CRACD: variants seen among roughly 807,000 people sequenced by gnomAD.
CRACD encodes capping protein-inhibiting regulator of actin dynamics.
Under a neutral mutation model 106.8 loss-of-function variants are expected in CRACD, and 56 were observed. The observed-to-expected ratio is 0.52, with a 90% CI of 0.42 to 0.66. The LOEUF (loss-of-function observed/expected upper bound fraction) is 0.66. Among genes scored for constraint, CRACD ranks in the 30% least tolerant of loss-of-function variants. CRACD has a pLI of 0.00. For missense variants in CRACD, 1,730 were observed against 1,623.2 expected, an observed-to-expected ratio of 1.07 and a Z score of -1.13; for synonymous variants, 754 against 670.8, an observed-to-expected ratio of 1.12 and a Z score of -1.92.
rs12648988 is a variant in CRACD, at chr4:56,191,828, A to G, written c.-189+12398A>G. Among the ~76,000 whole-genome samples the G allele has an allele frequency of 0.038, 5,794 of 152,252 alleles. 905 individuals carry two copies. The East Asian group carries it at 0.51, about 13-fold the overall frequency. On this transcript the variant is annotated intron_variant, in intron 2 of 10. Transcript: ENST00000682029. ...ATACACAGCCATGGATAAACTGTGA[A>G]CTCTTTTTATAGTAACCTTGGCAGT...
At chr4:56,309,433 G>A (rs555333398) in intron 5 of CRACD, among the ~76,000 whole-genome samples, 4 of 152,280 alleles carry the variant, frequency 2.6e-5, no homozygotes, top group African/African-American at 9.6e-5. Context: ...TGGTGTCGCA[G>A]GGGCCAGGCA....
chr4:56,178,667 T>C (rs1040932985), intron 1 of CRACD, among the ~76,000 whole-genome samples: 2 of 152,170 alleles, frequency 1.3e-5, no homozygotes, highest in African/African-American at 4.8e-5. Context: ...TCATCTTGTA[T>C]TGTTGCCCCA....
intron 2 of CRACD, among the ~76,000 whole-genome samples, chr4:56,263,049 GA>G (rs1741800896): frequency 6.6e-6 from 1 of 152,120 alleles, no homozygotes; most frequent in African/African-American, 2.4e-5. Flanking sequence ...CAGTCCCTGG[GA>G]GACCCAGGGA....
intron 1 of CRACD, among the ~76,000 whole-genome samples, chr4:56,065,303 G>A (rs2109790215): frequency 6.6e-6 from 1 of 152,154 alleles, no homozygotes; most frequent in South Asian, 2.1e-4. Flanking sequence ...GGTCAGGCTG[G>A]TCTCAAAATC....
At position 56,323,522 on chromosome 4, in the gene CRACD, G is replaced by A; in HGVS notation, c.3333G>A (p.Lys1111=). 1 of 1,603,446 alleles carries A rather than the reference G, an allele frequency of 6.2e-7. No homozygotes were observed. The highest frequency in any genetic ancestry group is 1.1e-5 in the South Asian group (1 of 89,122). Residue 1111 remains lysine, a synonymous_variant, in exon 9 of 11, where the codon AAG becomes AAA. Coordinates refer to ENST00000682029, the MANE Select transcript of CRACD (RefSeq NM_001393381.1). ...AGCAGGCGACGCGGGAGGAGAGAAA[G>A]CAAGCCAGAGAGGCCAAACAGGCAG... The part of the protein sequence containing the change: ...REQQATREER[K]QAREAKQAEK...
At chr4:56,267,389 CG>C (rs1742085019) in intron 2 of CRACD, among the ~76,000 whole-genome samples, 1 of 151,686 alleles carries the variant, frequency 6.6e-6, no homozygotes, top group South Asian at 2.1e-4. Flanking sequence ...CGCAAAGTGC[CG>C]GGATTACAGG....
chr4:56,322,740 G>A (rs1746181272), intron 8 of CRACD, among the ~76,000 whole-genome samples: 1 of 152,168 alleles, frequency 6.6e-6, no homozygotes. Context: ...TTAAAGCAAT[G>A]AATTAGGGCC....
At chr4:56,202,480 C>T (rs1178493444) in intron 2 of CRACD, among the ~76,000 whole-genome samples, 2 of 152,216 alleles carry the variant, frequency 1.3e-5, no homozygotes, top group Admixed American at 6.5e-5. Flanking sequence ...CACCTCACCT[C>T]AGGTGATCTG....
chr4:56,120,665 A>G (rs1734455017), intron 1 of CRACD, among the ~76,000 whole-genome samples: 1 of 152,238 alleles, frequency 6.6e-6, no homozygotes, highest in South Asian at 2.1e-4. Flanking sequence ...GCTTAGGTCT[A>G]TGATTTCTTA....
intron 2 of CRACD, among the ~76,000 whole-genome samples, chr4:56,231,069 A>G (rs775017868): frequency 5.5e-5 from 4 of 72,212 alleles, no homozygotes; most frequent in Non-Finnish European, 1.1e-4. Flanking sequence ...AAAACAAACA[A>G]ACAAAAAAAT....
At chr4:56,310,244 A>C (rs1234240314) in intron 5 of CRACD, among the ~76,000 whole-genome samples, 2 of 151,444 alleles carry the variant, frequency 1.3e-5, no homozygotes, top group Non-Finnish European at 2.9e-5. Flanking sequence ...CTTTCTTCTC[A>C]CTCATTGCTT....
chr4:56,251,577 G>A (rs1469054695), intron 2 of CRACD, among the ~76,000 whole-genome samples: 2 of 152,160 alleles, frequency 1.3e-5, no homozygotes, highest in Non-Finnish European at 2.9e-5. Flanking sequence ...GGCCACTAAG[G>A]CTCATGTTTA....
chr4:56,232,093 C>T (rs1210719468), intron 2 of CRACD, among the ~76,000 whole-genome samples: 10 of 152,128 alleles, frequency 6.6e-5, no homozygotes, highest in Non-Finnish European at 1.0e-4. Context: ...ACAGTAATTC[C>T]GCCTTCCTGC....
rs1349045334 is a variant in CRACD at position 56,328,451 on chromosome 4, G to T, written c.*647G>T. 3 of 514,920 alleles carry T rather than the reference G, an allele frequency of 5.8e-6. No individual in the cohort carries two copies. The highest frequency in any genetic ancestry group is 1.4e-5 in the South Asian group (1 of 70,404). The allele number at this position is 514,920 out of a possible 1,614,324, so 31.9% of individuals were successfully genotyped here. A position where few individuals can be genotyped will look rare whatever the true frequency, so the allele number is the denominator to read the frequency against. The stretch of plus-strand genomic sequence containing the variant: ...CCGCACTGTGGATTCATAGTGTGGG[G>T]CCCTGTTATTCCAATACCCTCCTTA... On this transcript the variant is annotated 3_prime_UTR_variant, in exon 11 of 11. Coordinates refer to ENST00000682029, the MANE Select transcript of CRACD (RefSeq NM_001393381.1).
intron 2 of CRACD, among the ~76,000 whole-genome samples, chr4:56,233,818 C>G (rs1739785818): frequency 6.6e-6 from 1 of 152,070 alleles, no homozygotes; most frequent in African/African-American, 2.4e-5. Flanking sequence ...AGTCTTCCAA[C>G]CCATGTATAT....
At chr4:56,238,862 C>T (rs1740170679) in intron 2 of CRACD, among the ~76,000 whole-genome samples, 1 of 152,032 alleles carries the variant, frequency 6.6e-6, no homozygotes, top group East Asian at 1.9e-4. Flanking sequence ...TTGTGAGCTG[C>T]CTGTTTACAT....
chr4:56,115,934 C>A (rs1296478441), intron 1 of CRACD, among the ~76,000 whole-genome samples: 1 of 152,188 alleles, frequency 6.6e-6, no homozygotes, highest in Non-Finnish European at 1.5e-5. Flanking sequence ...GAGGTTACTG[C>A]TGAAGATACA....
intron 2 of CRACD, among the ~76,000 whole-genome samples, chr4:56,257,526 G>T (rs1046431973): frequency 1.6e-5 from 2 of 123,024 alleles, no homozygotes; most frequent in South Asian, 2.8e-4. Flanking sequence ...TGTCTCTACA[G>T]AAAAAAAAAA....
intron 3 of CRACD, among the ~76,000 whole-genome samples, chr4:56,279,434 C>G (rs1223220537): frequency 6.6e-6 from 1 of 152,088 alleles, no homozygotes. Context: ...CTACAATGAA[C>G]TCAAACAAAT....
Sources: gnomAD v4.1 joint callset for allele counts (sites outside exome capture counted in the v4.1 genomes callset) on GRCh38, gnomAD v4.1.1 for gene constraint, MANE v1.5 for transcripts, NCBI Gene and HGNC (gene_info 2026-07-23, HGNC 2026-07-21) for gene names.